The following CXXC4 variants were observed in gnomAD, a reference collection of about 807,000 sequenced individuals.
CXXC4 encodes CXXC-type zinc finger protein 4.
CXXC4 carries 5 observed loss-of-function variants against 20.5 expected under a neutral mutation model. That is an observed-to-expected ratio of 0.24 (90% confidence interval 0.13 to 0.51). The LOEUF is 0.51. Ranked by LOEUF, CXXC4 falls within the 20% of genes least tolerant of loss-of-function variation. The probability of loss-of-function intolerance (pLI) is 0.97; values close to 1 mark genes in which losing one functional copy is unlikely to be tolerated. For missense variants in CXXC4, 419 were observed against 496.4 expected, an observed-to-expected ratio of 0.84 and a Z score of 1.48; for synonymous variants, 250 against 216.4, an observed-to-expected ratio of 1.16 and a Z score of -1.36.
At chr4:104,477,949 C>G (rs1487678878) in intron 2 of CXXC4, among the ~76,000 whole-genome samples, 2 of 152,088 alleles carry the variant, frequency 1.3e-5, no homozygotes, top group Non-Finnish European at 2.9e-5. Context: ...TTAAAAACAA[C>G]TTTCAACATC....
chr4:104,494,447 C>G (rs1210808280), intron 1 of CXXC4: 1 of 152,038 alleles, frequency 6.6e-6, no homozygotes, highest in Non-Finnish European at 1.5e-5. Context: ...ACAATCCCAA[C>G]GGACAGCAAA....
chr4:104,480,634 C>T (rs1736529539), intron 2 of CXXC4, among the ~76,000 whole-genome samples: 3 of 151,706 alleles, frequency 2.0e-5, no homozygotes, highest in South Asian at 4.2e-4. Flanking sequence ...AAAAAAAATG[C>T]TTAGTGGTTC....
chr4:104,475,325 TA>T (rs1225118555), intron 2 of CXXC4: 2 of 152,104 alleles, frequency 1.3e-5, no homozygotes, highest in African/African-American at 4.8e-5. Flanking sequence ...ACTGGTGCAG[TA>T]ATTAGAAAAT....
At chr4:104,478,571 T>C in intron 2 of CXXC4, among the ~76,000 whole-genome samples, 1 of 152,148 alleles carries the variant, frequency 6.6e-6, no homozygotes, top group Non-Finnish European at 1.5e-5. Context: ...TAATTATATT[T>C]CAGTTAAATT....
At position 104,491,401 on chromosome 4, in the gene CXXC4, GCCGCCCCCACCACCC is replaced by G. The variant is rs1435266607; in HGVS notation, c.387_401del (p.Gly130_Gly134del). On this transcript the variant is annotated inframe_deletion, in exon 2 of 3. Coordinates refer to ENST00000394767, the MANE Select transcript of CXXC4 (RefSeq NM_025212.4). ...AGGCGGCGGCGGAGGAGGATTTCCT[GCCGCCCCCACCACCC>G]CCGCCCCCGCCTCCGCCGCCGCCGC... is the stretch of plus-strand genomic sequence containing the variant. 70 of 1,218,306 alleles carry G rather than the reference GCCGCCCCCACCACCC, an allele frequency of 5.7e-5. No individual in the cohort carries two copies. Among genetic ancestry groups the G allele is most frequent in the African/African-American group, 2.1e-4 (13 of 62,070 alleles). The allele number at this position is 1,218,306 out of a possible 1,614,324, so 75.5% of individuals were successfully genotyped here.
At chr4:104,488,279 C>T (rs1323622198) in intron 2 of CXXC4, among the ~76,000 whole-genome samples, 1 of 152,146 alleles carries the variant, frequency 6.6e-6, no homozygotes, top group Non-Finnish European at 1.5e-5. Flanking sequence ...ACCAGGTCAG[C>T]AGGGGGACTT....
intron 1 of CXXC4, among the ~76,000 whole-genome samples, chr4:104,492,867 C>T (rs1179450053): frequency 6.6e-6 from 1 of 152,020 alleles, no homozygotes; most frequent in East Asian, 1.9e-4. Context: ...CAGATAATTA[C>T]ATATATACAT....
At chr4:104,479,047 T>A (rs1172321504) in intron 2 of CXXC4, among the ~76,000 whole-genome samples, 6 of 152,154 alleles carry the variant, frequency 3.9e-5, no homozygotes, top group African/African-American at 1.2e-4. Context: ...TCTTCTCAAG[T>A]AATTCCCATT....
chr4:104,481,825 C>T (rs527616382), intron 2 of CXXC4, among the ~76,000 whole-genome samples: 1 of 152,186 alleles, frequency 6.6e-6, no homozygotes, highest in East Asian at 1.9e-4. Flanking sequence ...ACCATATATT[C>T]ATGAATAGAC....
chr4:104,480,356 C>T (rs981006157), intron 2 of CXXC4, among the ~76,000 whole-genome samples: 3 of 151,966 alleles, frequency 2.0e-5, no homozygotes, highest in Admixed American at 6.6e-5. Flanking sequence ...TTTATATGCA[C>T]GATTCTGTAT....
intron 2 of CXXC4, among the ~76,000 whole-genome samples, chr4:104,484,498 A>G (rs1017252870): frequency 1.3e-5 from 2 of 152,008 alleles, no homozygotes; most frequent in African/African-American, 4.8e-5. Flanking sequence ...ACGTCTTTGA[A>G]AAAGTAATTG....
intron 2 of CXXC4, among the ~76,000 whole-genome samples, chr4:104,474,044 C>G (rs1201719857): frequency 6.6e-6 from 1 of 151,932 alleles, no homozygotes; most frequent in Non-Finnish European, 1.5e-5. Context: ...AAAAGACTGT[C>G]CTCATCACAA....
In CXXC4 at chr4:104,491,398, C is replaced by T; in HGVS notation, c.405G>A (p.Arg135=). 1.7e-6 allele frequency: 2 copies of T among 1,196,016 alleles called. No homozygotes were observed. Among genetic ancestry groups the T allele is most frequent in the Admixed American group, 8.3e-5 (2 of 24,232 alleles). 74.1% of individuals were successfully genotyped at this position (1,196,016 alleles called of 1,614,324 possible). A position where few individuals can be genotyped will look rare whatever the true frequency, so the allele number is the denominator to read the frequency against. Residue 135 remains arginine, a synonymous_variant, in exon 2 of 3, where the codon AGG becomes AGA. Coordinates refer to ENST00000394767, the MANE Select transcript of CXXC4 (RefSeq NM_025212.4). Reference sequence around the variant, plus strand: ...AGGAGGCGGCGGCGGAGGAGGATTTCCTGCCGCCCCCACCACCCCCGCCCC... The same window carrying T: ...AGGAGGCGGCGGCGGAGGAGGATTTTCTGCCGCCCCCACCACCCCCGCCCC... ...GGGGGGGGGG[R]KSSSAAASSS... is the part of the protein sequence containing the mutation.
chr4:104,489,824 C>A (rs1035800032), intron 2 of CXXC4, among the ~76,000 whole-genome samples: 2 of 152,082 alleles, frequency 1.3e-5, no homozygotes, highest in Non-Finnish European at 2.9e-5. Flanking sequence ...AGCATCTGTA[C>A]AATATCTGTT....
intron 2 of CXXC4, among the ~76,000 whole-genome samples, chr4:104,478,652 A>G (rs1268054772): frequency 6.6e-6 from 1 of 152,152 alleles, no homozygotes; most frequent in Non-Finnish European, 1.5e-5. Flanking sequence ...TGGGTATTTT[A>G]GTGGTTAAAA....
rs1303327222 is a variant in CXXC4, at chr4:104,491,428, T to G, written c.375A>C (p.Gly125=). ...CGCCCCCACCACCCCCGCCCCCGCC[T>G]CCGCCGCCGCCGCCGCCGCCGCCAC... ...GGGGGGGGGG[G]GGGGGGGGGR... The change falls in exon 2 of 3, where the codon GGA becomes GGC. Residue 125 remains glycine (G), a synonymous_variant. Transcript: ENST00000394767. 1.7e-3 allele frequency: 1,432 copies of G among 823,242 alleles called. 4 individuals carry two copies. Among genetic ancestry groups the G allele is most frequent in the African/African-American group, 0.015 (683 of 46,980 alleles). The allele number at this position is 823,242 out of a possible 1,614,324, so 51.0% of individuals were successfully genotyped here.
intron 2 of CXXC4, among the ~76,000 whole-genome samples, chr4:104,488,413 A>G (rs1163473961): frequency 6.6e-6 from 1 of 152,242 alleles, no homozygotes; most frequent in Non-Finnish European, 1.5e-5. Context: ...TAAGGCAGTC[A>G]TGATGGCATT....
At position 104,471,249 on chromosome 4, in the gene CXXC4, T is replaced by A. The variant is rs990951504; in HGVS notation, c.*1073A>T. 1 of 152,050 alleles carries A rather than the reference T, an allele frequency of 6.6e-6. No individual in the cohort carries two copies. The highest frequency in any genetic ancestry group is 1.5e-5 in the Non-Finnish European group (1 of 67,972). 9.4% of individuals were successfully genotyped at this position (152,050 alleles called of 1,614,324 possible). A position where few individuals can be genotyped will look rare whatever the true frequency, so the allele number is the denominator to read the frequency against. On this transcript the variant is annotated 3_prime_UTR_variant, in exon 3 of 3. Coordinates refer to ENST00000394767, the MANE Select transcript of CXXC4 (RefSeq NM_025212.4). ...ATATTCAAGTGTTAAAACTACCCAT[T>A]TAATATCATACATGAAGTTAAAACA...
chr4:104,492,579 T>G (rs1429230696), intron 1 of CXXC4, among the ~76,000 whole-genome samples: 1 of 152,092 alleles, frequency 6.6e-6, no homozygotes, highest in Non-Finnish European at 1.5e-5. Context: ...CATCCGAGTA[T>G]AAACTGTAAG....
Sources: gnomAD v4.1 joint callset for allele counts (sites outside exome capture counted in the v4.1 genomes callset) on GRCh38, gnomAD v4.1.1 for gene constraint, MANE v1.5 for transcripts, NCBI Gene and HGNC (gene_info 2026-07-23, HGNC 2026-07-21) for gene names.